The following KCNK17 variants were observed in gnomAD, a reference collection of about 807,000 sequenced individuals.
KCNK17 encodes the protein potassium channel subfamily K member 17.
In KCNK17, 27 loss-of-function variants were observed where a neutral mutation model predicts 24.6. The observed-to-expected ratio is 1.10, with a 90% CI of 0.81 to 1.51. The LOEUF (loss-of-function observed/expected upper bound fraction) is 1.51. Among genes scored for constraint, KCNK17 ranks in the 40% most tolerant of loss-of-function variants. The probability of loss-of-function intolerance (pLI) is 0.00; values close to 1 mark genes in which losing one functional copy is unlikely to be tolerated. For synonymous variants in KCNK17, 181 were observed against 189.8 expected (o/e 0.95, Z 0.38); for missense variants, 450 against 436.6 (o/e 1.03, Z -0.27).
intron 1 of KCNK17, 142 bp from the exon 2 acceptor site, chr6:39,311,149 T>C (rs1762132235): frequency 5.4e-6 from 3 of 557,852 alleles, no homozygotes; most frequent in Non-Finnish European, 9.5e-6. Context: ...GCCCTCACAA[T>C]TACTCTTCGA....
chr6:39,300,145 CAG>C (rs1173451528), intron 4 of KCNK17, among the ~76,000 whole-genome samples: 2 of 152,038 alleles, frequency 1.3e-5, no homozygotes, highest in South Asian at 2.1e-4. Flanking sequence ...GTTTTGGAGA[CAG>C]AGTCTCACTC....
chr6:39,306,578 G>A (rs559027799), intron 2 of KCNK17, among the ~76,000 whole-genome samples: 46 of 152,148 alleles, frequency 3.0e-4, no homozygotes, highest in African/African-American at 1.0e-3. Context: ...CCCTAAACTC[G>A]TCTGTACTAT....
At position 39,303,979 on chromosome 6, in the gene KCNK17, C is replaced by T. The variant is rs768079016; in HGVS notation, c.666G>A (p.Val222=). The change falls in exon 4 of 5, where the codon GTG becomes GTA. Residue 222 remains valine, a synonymous_variant. Coordinates refer to ENST00000373231, the MANE Select transcript of KCNK17 (RefSeq NM_031460.4). ...CACCAATCACGTAGTCGCCGAAGCC[C>T]ACGGTGCTGAGGGTGATGAAGGCGA... ...FYFAFITLST[V]GFGDYVIGMN... The T allele has an allele frequency of 1.1e-5, 18 of 1,613,284 alleles. No individual in the cohort carries two copies. Among genetic ancestry groups the T allele is most frequent in the Non-Finnish European group, 1.5e-5 (18 of 1,179,956 alleles).
At position 39,299,450 on chromosome 6, in the gene KCNK17, C is replaced by A; in HGVS notation, c.976G>T (p.Ala326Ser). ...IQHLEPSAHA[A>S]GCGKDS ...AACTAGCTGTCCTTGCCACAGCCTG[C>A]AGCGTGAGCAGAAGGTTCCAGATGC... Residue 326 changes from alanine (A) to serine (S), a missense_variant, in exon 5 of 5, where the codon GCA (alanine) becomes TCA (serine). Transcript: ENST00000373231. The A allele has an allele frequency of 6.2e-7, 1 of 1,613,550 alleles. No individual in the cohort carries two copies. The highest frequency in any genetic ancestry group is 1.1e-5 in the South Asian group (1 of 91,054).
intron 4 of KCNK17, among the ~76,000 whole-genome samples, chr6:39,302,101 G>C (rs535303085): frequency 1.3e-4 from 20 of 152,316 alleles, no homozygotes; most frequent in African/African-American, 4.1e-4. Flanking sequence ...TGAAGCAGTT[G>C]GGGCTCTTAT....
chr6:39,314,256 G>A lies in KCNK17; in HGVS notation c.65C>T (p.Thr22Ile), dbSNP rs1376364409. Residue 22 changes from threonine to isoleucine, a missense_variant, in exon 1 of 5, where the codon ACC becomes ATC. Transcript: ENST00000373231. ...CAGGTAGGCGAGCAGCAGGAGCACGGTGCTGGGCACCGCGCAGCCCCGGAC... is the reference window on the plus strand; with the variant it reads ...CAGGTAGGCGAGCAGCAGGAGCACGATGCTGGGCACCGCGCAGCCCCGGAC... Reference protein sequence around the residue: ...GRVRGCAVPSTVLLLLAYLAY... With the variant: ...GRVRGCAVPSIVLLLLAYLAY... The A allele has an allele frequency of 2.6e-6, 4 of 1,532,544 alleles. No homozygotes were observed. The highest frequency in any genetic ancestry group is 2.8e-5 in the African/African-American group (2 of 72,378). 94.9% of individuals were successfully genotyped at this position (1,532,544 alleles called of 1,614,324 possible).
At chr6:39,304,360 G>T in intron 3 of KCNK17, 135 bp downstream of exon 3, 1 of 870,502 alleles carries the variant, frequency 1.1e-6, no homozygotes. Flanking sequence ...CCTATTCTGA[G>T]CAGTGACCCC....
At chr6:39,306,765 TG>T (rs372154206) in intron 2 of KCNK17, among the ~76,000 whole-genome samples, 1 of 136,720 alleles carries the variant, frequency 7.3e-6, no homozygotes, top group Non-Finnish European at 1.5e-5. Flanking sequence ...TTTCTTTCTT[TG>T]TTTTTTTTTT....
chr6:39,302,373 G>A (rs889711671), intron 4 of KCNK17, among the ~76,000 whole-genome samples: 4 of 151,948 alleles, frequency 2.6e-5, no homozygotes, highest in African/African-American at 2.4e-5. Flanking sequence ...TTGGTAGGAG[G>A]GGGGTTACAG....
chr6:39,299,369 C>T lies in KCNK17; in HGVS notation c.*58G>A. The T allele has an allele frequency of 7.2e-7, 1 of 1,380,374 alleles. No homozygotes were observed. Among genetic ancestry groups the T allele is most frequent in the East Asian group, 2.4e-5 (1 of 42,024 alleles). 85.5% of individuals were successfully genotyped at this position (1,380,374 alleles called of 1,614,324 possible). A position where few individuals can be genotyped will look rare whatever the true frequency, so the allele number is the denominator to read the frequency against. ...AGTCTTTAGTTTGGGTGGACATGTG[C>T]AAAGCTTAAAATCAGGGGTCTTGCT... On this transcript the variant is annotated 3_prime_UTR_variant, in exon 5 of 5. Coordinates refer to ENST00000373231, the MANE Select transcript of KCNK17 (RefSeq NM_031460.4).
chr6:39,304,415 G>T, intron 3 of KCNK17, 80 bp downstream of exon 3: 1 of 1,302,428 alleles, frequency 7.7e-7, no homozygotes, highest in Non-Finnish European at 1.1e-6. Flanking sequence ...CCCACCTCTT[G>T]TCATTAGTAA....
chr6:39,300,311 C>T (rs933410834), intron 4 of KCNK17: 16 of 667,186 alleles, frequency 2.4e-5, no homozygotes, highest in African/African-American at 5.4e-5. Context: ...TTAGTAGAGA[C>T]GGGGTTTCAC....
chr6:39,313,967 C>G (rs1419543443), intron 1 of KCNK17, 117 bp downstream of exon 1: 3 of 776,900 alleles, frequency 3.9e-6, no homozygotes, highest in Non-Finnish European at 5.7e-6. Context: ...CCCGACGTTT[C>G]CCTGAACAGG....
chr6:39,309,629 G>T (rs892057536), intron 2 of KCNK17, among the ~76,000 whole-genome samples: 1 of 152,222 alleles, frequency 6.6e-6, no homozygotes, highest in African/African-American at 2.4e-5. Context: ...GCCCTGAGAA[G>T]AGTGTGGGAG....
chr6:39,309,879 G>T (rs1386181695), intron 2 of KCNK17, among the ~76,000 whole-genome samples: 1 of 152,178 alleles, frequency 6.6e-6, no homozygotes, highest in East Asian at 1.9e-4. Context: ...GCTCAGGGCC[G>T]CTGGAGTCTG....
At chr6:39,310,662 C>T (rs905228749) in intron 2 of KCNK17, among the ~76,000 whole-genome samples, 1 of 152,240 alleles carries the variant, frequency 6.6e-6, no homozygotes, top group Non-Finnish European at 1.5e-5. Context: ...TTGTCAAACT[C>T]GAACAGTGCA....
intron 4 of KCNK17, among the ~76,000 whole-genome samples, chr6:39,301,963 G>A (rs999009970): frequency 7.2e-5 from 11 of 152,258 alleles, no homozygotes; most frequent in Admixed American, 2.0e-4. Context: ...CATGGGTGGT[G>A]TGAAGGGCCC....
chr6:39,314,098 C>T lies in KCNK17; in HGVS notation c.223G>A (p.Asp75Asn), dbSNP rs766819933. 3.2e-6 allele frequency: 5 copies of T among 1,585,616 alleles called. No homozygotes were observed. The African/African-American group carries it at 6.8e-5, about 22-fold the overall frequency. Residue 75 changes from aspartate (D) to asparagine (N), a missense_variant, in exon 1 of 5, where the codon GAC (aspartate) becomes AAC (asparagine). Asp to Asn is a conservative substitution (Grantham distance 23, BLOSUM62 1). Transcript: ENST00000373231. ...NFTCLDRPAL[D>N]SLIRDVVQAY... Reference sequence around the variant, plus strand: ...TCGCCCCTGACCCGGATCAGCGAGTCCAGCGCCGGGCGGTCCAGACACGTG... The same window carrying T: ...TCGCCCCTGACCCGGATCAGCGAGTTCAGCGCCGGGCGGTCCAGACACGTG...
intron 4 of KCNK17, among the ~76,000 whole-genome samples, chr6:39,302,695 C>T (rs1761966803): frequency 6.6e-6 from 1 of 152,156 alleles, no homozygotes; most frequent in South Asian, 2.1e-4. Flanking sequence ...GCAGGTATGG[C>T]CCTTGGAGCT....
Sources: allele counts gnomAD v4.1 joint callset (sites outside exome capture counted in the v4.1 genomes callset), GRCh38; gene constraint gnomAD v4.1.1; transcripts MANE v1.5; gene names NCBI Gene and HGNC (gene_info 2026-07-23, HGNC 2026-07-21).